Variants in MACROD2 observed in about 807,000 individuals in gnomAD.
MACROD2 encodes the protein mono-ADP ribosylhydrolase 2.
Under a neutral mutation model 70.4 loss-of-function variants are expected in MACROD2, and 36 were observed. The ratio of observed to expected loss-of-function variants is 0.51; its 90% CI spans 0.39 to 0.68. The LOEUF (loss-of-function observed/expected upper bound fraction) is 0.68. MACROD2 is among the 30% of genes least tolerant of loss of function. The pLI, the probability that MACROD2 is intolerant of heterozygous loss-of-function variation, is 0.00. For synonymous variants in MACROD2, 172 were observed against 178.8 expected, an observed-to-expected ratio of 0.96 and a Z score of 0.30; for missense variants, 496 against 538.4, an observed-to-expected ratio of 0.92 and a Z score of 0.78.
chr20:15,403,970 A>G (rs1021320569), intron 6 of MACROD2, among the ~76,000 whole-genome samples: 3 of 152,140 alleles, frequency 2.0e-5, no homozygotes, highest in African/African-American at 7.2e-5. Flanking sequence ...AGTATCAGCA[A>G]TTTTCATTCA....
chr20:15,890,694 G>C (rs908161367), intron 10 of MACROD2, among the ~76,000 whole-genome samples: 1 of 152,180 alleles, frequency 6.6e-6, no homozygotes, highest in African/African-American at 2.4e-5. Flanking sequence ...AAGCTTTGCA[G>C]TTTATAATGC....
chr20:14,395,099 G>A (rs2327836), intron 3 of MACROD2, among the ~76,000 whole-genome samples: 150,352 of 152,150 alleles, frequency 0.99, 74,312 homozygotes, highest in Middle Eastern at 1. Flanking sequence ...GATCTCATAG[G>A]ATACGTCAGG....
intron 6 of MACROD2, among the ~76,000 whole-genome samples, chr20:15,232,070 C>T (rs2076963818): frequency 6.6e-6 from 1 of 151,888 alleles, no homozygotes. Context: ...CTCCCTCCTT[C>T]CCTTCCTTCC....
chr20:14,120,683 TTA>T (rs376008913), intron 3 of MACROD2, among the ~76,000 whole-genome samples: 54 of 147,752 alleles, frequency 3.7e-4, no homozygotes, highest in Non-Finnish European at 4.3e-4. Flanking sequence ...ATCACATGTA[TTA>T]TATATATATA....
At chr20:15,724,101 C>T (rs1444296248) in intron 8 of MACROD2, among the ~76,000 whole-genome samples, 1 of 152,072 alleles carries the variant, frequency 6.6e-6, no homozygotes, top group Non-Finnish European at 1.5e-5. Flanking sequence ...GATTTTTGGT[C>T]CATTTTTTAA....
chr20:14,704,501 T>C (rs1430622614), intron 5 of MACROD2, among the ~76,000 whole-genome samples: 1 of 152,164 alleles, frequency 6.6e-6, no homozygotes, highest in Non-Finnish European at 1.5e-5. Flanking sequence ...GTCTCACTTC[T>C]CTACTTCTGG....
intron 3 of MACROD2, among the ~76,000 whole-genome samples, chr20:14,328,396 G>A (rs566658968): frequency 3.3e-5 from 5 of 152,050 alleles, no homozygotes; most frequent in East Asian, 3.9e-4. Context: ...ACCTCATAAC[G>A]TGTTGTCACA....
intron 5 of MACROD2, among the ~76,000 whole-genome samples, chr20:14,742,893 A>G (rs1162006733): frequency 6.6e-6 from 1 of 150,788 alleles, no homozygotes; most frequent in African/African-American, 2.4e-5. Context: ...CAGCCTCCCA[A>G]GTAGCTGGGT....
intron 3 of MACROD2, chr20:14,323,808 T>A (rs890762870): frequency 1.8e-4 from 28 of 152,108 alleles, no homozygotes; most frequent in African/African-American, 5.8e-4. Flanking sequence ...AAGGCTATTT[T>A]AAAAAAACAG....
At chr20:14,069,821 G>C (rs868373563) in intron 2 of MACROD2, among the ~76,000 whole-genome samples, 7 of 151,124 alleles carry the variant, frequency 4.6e-5, no homozygotes, top group Admixed American at 2.0e-4. Context: ...GATTTACTTT[G>C]ACCAATGGGA....
intron 8 of MACROD2, among the ~76,000 whole-genome samples, chr20:15,816,114 T>C (rs977760882): frequency 6.6e-6 from 1 of 152,088 alleles, no homozygotes; most frequent in African/African-American, 2.4e-5. Flanking sequence ...ATACATCACA[T>C]ATATGATCCT....
chr20:15,257,109 T>A (rs1309825704), intron 6 of MACROD2, among the ~76,000 whole-genome samples: 2 of 152,050 alleles, frequency 1.3e-5, no homozygotes, highest in African/African-American at 4.8e-5. Context: ...ACGGTGTGGA[T>A]ATTAATATAT....
intron 5 of MACROD2, among the ~76,000 whole-genome samples, chr20:14,996,315 T>A (rs532683478): frequency 3.0e-4 from 46 of 152,192 alleles, no homozygotes; most frequent in Non-Finnish European, 8.8e-5. Context: ...TAACCAGTAC[T>A]CAGATCCACT....
chr20:15,636,954 G>C (rs1055462050), intron 8 of MACROD2, among the ~76,000 whole-genome samples: 1 of 152,154 alleles, frequency 6.6e-6, no homozygotes, highest in Non-Finnish European at 1.5e-5. Context: ...GACAAACACA[G>C]CTACTCCAGG....
intron 15 of MACROD2, among the ~76,000 whole-genome samples, chr20:16,032,726 G>A (rs2067168778): frequency 7.8e-6 from 1 of 127,654 alleles, no homozygotes; most frequent in Non-Finnish European, 1.6e-5. Flanking sequence ...GGTGGAGGAA[G>A]AAGGAGAGAA....
chr20:16,003,988 G>T (rs2066751534), intron 15 of MACROD2, among the ~76,000 whole-genome samples: 1 of 152,056 alleles, frequency 6.6e-6, no homozygotes, highest in Non-Finnish European at 1.5e-5. Flanking sequence ...CATTTTTAAT[G>T]AGTTCCCAGG....
At chr20:14,647,437 T>G (rs1217635757) in intron 4 of MACROD2, among the ~76,000 whole-genome samples, 1 of 152,126 alleles carries the variant, frequency 6.6e-6, no homozygotes, top group Non-Finnish European at 1.5e-5. Flanking sequence ...ATAAAAGAGA[T>G]AACATTTTGT....
At chr20:14,794,919 C>CA (rs1365897527) in intron 5 of MACROD2, among the ~76,000 whole-genome samples, 2 of 152,062 alleles carry the variant, frequency 1.3e-5, no homozygotes, top group African/African-American at 4.8e-5. Flanking sequence ...GTATAAGTAG[C>CA]CATGAAAGTC....
At chr20:14,532,094 A>C (rs529697073) in intron 4 of MACROD2, among the ~76,000 whole-genome samples, 7 of 152,062 alleles carry the variant, frequency 4.6e-5, no homozygotes, top group African/African-American at 1.7e-4. Flanking sequence ...TTTACTTCAT[A>C]CTTCCCAAAG....
Sources: allele counts gnomAD v4.1 joint callset (sites outside exome capture counted in the v4.1 genomes callset), GRCh38; gene constraint gnomAD v4.1.1; transcripts MANE v1.5; gene names NCBI Gene and HGNC (gene_info 2026-07-23, HGNC 2026-07-21).